The following CNTN5 variants were observed in gnomAD, a reference collection of about 807,000 sequenced individuals.
CNTN5 encodes contactin 5.
In CNTN5, 77 loss-of-function variants were observed where a neutral mutation model predicts 129.1. That is an observed-to-expected ratio of 0.60 (90% CI 0.50 to 0.72). The LOEUF (loss-of-function observed/expected upper bound fraction) is 0.72. Ranked by LOEUF, CNTN5 falls within the 30% of genes least tolerant of loss-of-function variation. The pLI is 0.00. For missense variants in CNTN5, 1,478 were observed against 1,328.8 expected, an observed-to-expected ratio of 1.11 and a Z score of -1.75; for synonymous variants, 509 against 465.6, an observed-to-expected ratio of 1.09 and a Z score of -1.20.
intron 9 of CNTN5, among the ~76,000 whole-genome samples, chr11:100,060,363 TAATAA>T (rs113040028): frequency 0.33 from 49,380 of 151,640 alleles, 8,489 homozygotes; most frequent in East Asian, 0.47. Flanking sequence ...GATCATTAAA[TAATAA>T]AATAGCAAAT....
intron 3 of CNTN5, among the ~76,000 whole-genome samples, chr11:99,695,383 A>C (rs779072948): frequency 6.6e-6 from 1 of 152,112 alleles, no homozygotes; most frequent in Non-Finnish European, 1.5e-5. Context: ...TGTCTGAATT[A>C]GATCCATGTG....
chr11:99,785,808 T>G (rs138036947), intron 3 of CNTN5, among the ~76,000 whole-genome samples: 2,155 of 152,210 alleles, frequency 0.014, 50 homozygotes, highest in South Asian at 0.086. Flanking sequence ...TCAGCACCCC[T>G]TCATGCTAAA....
At chr11:99,912,520 T>C (rs561867923) in intron 6 of CNTN5, among the ~76,000 whole-genome samples, 1 of 152,144 alleles carries the variant, frequency 6.6e-6, no homozygotes, top group South Asian at 2.1e-4. Flanking sequence ...GAATAAATAT[T>C]TGTTAAATAA....
intron 7 of CNTN5, among the ~76,000 whole-genome samples, chr11:99,929,179 T>A (rs1950133995): frequency 6.6e-6 from 1 of 152,176 alleles, no homozygotes; most frequent in African/African-American, 2.4e-5. Context: ...TGGACTTCAT[T>A]GTCCATATCA....
intron 1 of CNTN5, among the ~76,000 whole-genome samples, chr11:99,148,701 G>T (rs1859904770): frequency 6.6e-6 from 1 of 152,014 alleles, no homozygotes; most frequent in Non-Finnish European, 1.5e-5. Context: ...GCTATGTAGG[G>T]ATTCAAAGTA....
chr11:99,893,399 A>G (rs1013324054), intron 6 of CNTN5, among the ~76,000 whole-genome samples: 5 of 152,208 alleles, frequency 3.3e-5, no homozygotes. Flanking sequence ...TAAATTTGTT[A>G]TCTGCTCTCT....
chr11:99,496,052 C>A (rs774649873), intron 2 of CNTN5, among the ~76,000 whole-genome samples: 1 of 152,038 alleles, frequency 6.6e-6, no homozygotes, highest in Non-Finnish European at 1.5e-5. Flanking sequence ...TATGGTATAT[C>A]CAAGTGTAAA....
At chr11:99,575,633 A>C (rs1412083603) in intron 3 of CNTN5, among the ~76,000 whole-genome samples, 1 of 152,210 alleles carries the variant, frequency 6.6e-6, no homozygotes, top group Admixed American at 6.5e-5. Context: ...TTGGAGCAAA[A>C]TAAAATTAAA....
intron 8 of CNTN5, among the ~76,000 whole-genome samples, chr11:99,958,317 G>C (rs990564463): frequency 6.6e-6 from 1 of 152,198 alleles, no homozygotes; most frequent in African/African-American, 2.4e-5. Flanking sequence ...ATGAATTACA[G>C]GCTTTGGAGT....
chr11:100,244,347 A>C (rs1949801029), intron 16 of CNTN5, among the ~76,000 whole-genome samples: 1 of 151,902 alleles, frequency 6.6e-6, no homozygotes, highest in Admixed American at 6.6e-5. Flanking sequence ...TCACTGAAAA[A>C]CTCATCCCTC....
At chr11:99,254,023 C>A (rs1321075508) in intron 1 of CNTN5, among the ~76,000 whole-genome samples, 1 of 150,590 alleles carries the variant, frequency 6.6e-6, no homozygotes, top group Non-Finnish European at 1.5e-5. Context: ...TGTTATAAAT[C>A]CAAAATAATA....
intron 2 of CNTN5, among the ~76,000 whole-genome samples, chr11:99,473,290 T>G (rs921996215): frequency 6.6e-6 from 1 of 152,174 alleles, no homozygotes; most frequent in East Asian, 1.9e-4. Context: ...GTAGACTAAT[T>G]TTGATTTTCA....
intron 1 of CNTN5, among the ~76,000 whole-genome samples, chr11:99,087,132 T>G (rs377395252): frequency 6.6e-6 from 1 of 152,212 alleles, no homozygotes; most frequent in Admixed American, 6.5e-5. Context: ...GTGAAGAATT[T>G]TGAATTGAGG....
intron 3 of CNTN5, among the ~76,000 whole-genome samples, chr11:99,716,443 C>G (rs913785265): frequency 6.6e-6 from 1 of 151,972 alleles, no homozygotes; most frequent in African/African-American, 2.4e-5. Flanking sequence ...TGAATGAGCT[C>G]GTCTTCCTCT....
intron 3 of CNTN5, among the ~76,000 whole-genome samples, chr11:99,637,290 A>G (rs1686161892): frequency 6.6e-6 from 1 of 152,128 alleles, no homozygotes; most frequent in South Asian, 2.1e-4. Context: ...AATACCTTAT[A>G]GCATATAAAT....
At chr11:99,733,282 A>G (rs890736218) in intron 3 of CNTN5, among the ~76,000 whole-genome samples, 1 of 148,940 alleles carries the variant, frequency 6.7e-6, no homozygotes, top group Admixed American at 6.8e-5. Flanking sequence ...AGATCGTGCC[A>G]CTGCACTCCA....
chr11:99,267,446 CTA>C (rs763302010), intron 1 of CNTN5, among the ~76,000 whole-genome samples: 3 of 151,816 alleles, frequency 2.0e-5, no homozygotes, highest in Admixed American at 6.6e-5. Context: ...ATGTTACAGT[CTA>C]TGTGCAATTC....
At chr11:99,086,141 C>T (rs1024418800) in intron 1 of CNTN5, among the ~76,000 whole-genome samples, 4 of 152,116 alleles carry the variant, frequency 2.6e-5, no homozygotes, top group Non-Finnish European at 5.9e-5. Flanking sequence ...TTCATTCATT[C>T]GTCTACTTTC....
At chr11:99,861,501 T>C (rs1019127473) in intron 6 of CNTN5, among the ~76,000 whole-genome samples, 1 of 152,014 alleles carries the variant, frequency 6.6e-6, no homozygotes, top group African/African-American at 2.4e-5. Context: ...TCATTTGAAT[T>C]TTTTTTTCCA....
Sources: allele counts gnomAD v4.1 joint callset (sites outside exome capture counted in the v4.1 genomes callset), GRCh38; gene constraint gnomAD v4.1.1; transcripts MANE v1.5; gene names NCBI Gene and HGNC (gene_info 2026-07-23, HGNC 2026-07-21).